Variants in MCOLN2 observed in about 807,000 individuals in gnomAD.
MCOLN2 encodes the protein mucolipin-2.
A neutral mutation model predicts 67.5 loss-of-function variants in MCOLN2; 57 were observed. The ratio of observed to expected loss-of-function variants is 0.84; its 90% confidence interval spans 0.68 to 1.05. The LOEUF is 1.05. Among genes scored for constraint, MCOLN2 ranks in the 50% least tolerant of loss-of-function variants. The probability of loss-of-function intolerance (pLI) is 0.00; values close to 1 mark genes in which losing one functional copy is unlikely to be tolerated. For missense variants in MCOLN2, 620 were observed against 678.8 expected (o/e 0.91, Z 0.96); for synonymous variants, 246 against 233.3 (o/e 1.05, Z -0.50).
At chr1:84,993,619 CTTT>C (rs869075778) in intron 1 of MCOLN2, among the ~76,000 whole-genome samples, 50,689 of 117,136 alleles carry the variant, frequency 0.43, 8,635 homozygotes, top group East Asian at 0.59. Flanking sequence ...TAAATAATGT[CTTT>C]TTTTTTTTTT....
At position 84,931,504 on chromosome 1, in the gene MCOLN2, G is replaced by A. The variant is rs1195495500; in HGVS notation, c.1400C>T (p.Ala467Val). ...CTTCTGCTGGATTTGGGCAAAGGTT[G>A]CAAACATGTCATCACCGTTGACCAG... ...FSLVNGDDMF[A>V]TFAQIQQKSI... The change falls in exon 12 of 14, where the codon GCA (alanine) becomes GTA (valine). Residue 467 changes from alanine to valine, a missense_variant. By Grantham distance (64) the Ala-to-Val change is moderately conservative (BLOSUM62 0). Transcript: ENST00000370608. 6.2e-7 allele frequency: 1 copy of A among 1,613,908 alleles called. No homozygotes were observed. Among genetic ancestry groups the A allele is most frequent in the Non-Finnish European group, 8.5e-7 (1 of 1,179,976 alleles).
chr1:84,936,405 C>T (rs960984454), intron 11 of MCOLN2, among the ~76,000 whole-genome samples: 7 of 152,104 alleles, frequency 4.6e-5, no homozygotes, highest in Non-Finnish European at 7.4e-5. Flanking sequence ...TGCAACACTG[C>T]CCTCTAGTGA....
At chr1:84,935,721 G>A (rs1647389999) in intron 11 of MCOLN2, among the ~76,000 whole-genome samples, 1 of 152,032 alleles carries the variant, frequency 6.6e-6, no homozygotes, top group African/African-American at 2.4e-5. Flanking sequence ...GCTCTCAATT[G>A]TAGCCCAAAC....
At chr1:84,947,408 G>A (rs1422677263) in intron 6 of MCOLN2, among the ~76,000 whole-genome samples, 1 of 152,170 alleles carries the variant, frequency 6.6e-6, no homozygotes, top group African/African-American at 2.4e-5. Context: ...CAGGGTAGCA[G>A]GAAAATCCTG....
At chr1:84,985,588 C>T (rs1170531669) in intron 1 of MCOLN2, among the ~76,000 whole-genome samples, 1 of 152,180 alleles carries the variant, frequency 6.6e-6, no homozygotes, top group Non-Finnish European at 1.5e-5. Flanking sequence ...ACCTGCTCCT[C>T]CACCCATCTG....
chr1:84,953,885 T>G (rs1468370680), intron 4 of MCOLN2, among the ~76,000 whole-genome samples: 1 of 152,164 alleles, frequency 6.6e-6, no homozygotes, highest in Non-Finnish European at 1.5e-5. Flanking sequence ...CCAGCATGGG[T>G]GACCCTTGCC....
chr1:84,987,329 T>C (rs548000950), intron 1 of MCOLN2, among the ~76,000 whole-genome samples: 7 of 144,642 alleles, frequency 4.8e-5, no homozygotes, highest in Non-Finnish European at 1.1e-4. Context: ...TATATAGATA[T>C]ATAGATATAT....
chr1:84,928,058 C>G (rs2102795246), intron 13 of MCOLN2, among the ~76,000 whole-genome samples: 1 of 152,322 alleles, frequency 6.6e-6, no homozygotes, highest in East Asian at 1.9e-4. Flanking sequence ...AGGGTCCATG[C>G]AAGCCCCCTG....
intron 7 of MCOLN2, among the ~76,000 whole-genome samples, chr1:84,944,436 G>C (rs1166418945): frequency 4.6e-5 from 7 of 152,012 alleles, no homozygotes; most frequent in African/African-American, 1.7e-4. Flanking sequence ...GAGAGGCTAA[G>C]GCAGAAGAAT....
chr1:84,964,118 A>G (rs12042845), intron 2 of MCOLN2, among the ~76,000 whole-genome samples: 23,069 of 152,176 alleles, frequency 0.15, 1,887 homozygotes, highest in East Asian at 0.26. Context: ...TAAGCTAACA[A>G]TAAGCATACA....
At chr1:84,982,726 C>T (rs1287693668) in intron 1 of MCOLN2, among the ~76,000 whole-genome samples, 1 of 152,128 alleles carries the variant, frequency 6.6e-6, no homozygotes, top group Non-Finnish European at 1.5e-5. Flanking sequence ...CTGACCCCAA[C>T]AAACAAACAG....
intron 1 of MCOLN2, among the ~76,000 whole-genome samples, chr1:84,995,419 C>G (rs1295387897): frequency 1.3e-5 from 2 of 152,096 alleles, no homozygotes; most frequent in Admixed American, 6.5e-5. Flanking sequence ...TTTCTATGAA[C>G]CCCTTAACAT....
At chr1:84,992,816 C>G (rs892176342) in intron 1 of MCOLN2, among the ~76,000 whole-genome samples, 1 of 152,210 alleles carries the variant, frequency 6.6e-6, no homozygotes, top group Non-Finnish European at 1.5e-5. Context: ...TCTGAACCTT[C>G]AGCAAGCTGT....
At chr1:84,937,074 ACTC>A (rs1647471584) in intron 11 of MCOLN2, among the ~76,000 whole-genome samples, 1 of 152,042 alleles carries the variant, frequency 6.6e-6, no homozygotes, top group Non-Finnish European at 1.5e-5. Flanking sequence ...AGATAAAATA[ACTC>A]CTTTTACTTT....
chr1:84,969,570 CAAAAAAA>C (rs60003501), intron 1 of MCOLN2, among the ~76,000 whole-genome samples: 1 of 80,704 alleles, frequency 1.2e-5, no homozygotes, highest in Non-Finnish European at 2.7e-5. Flanking sequence ...GACTCTGCCT[CAAAAAAA>C]AAAAAAAAAA....
chr1:84,952,915 A>G (rs1557643835), intron 4 of MCOLN2, among the ~76,000 whole-genome samples: 1 of 152,256 alleles, frequency 6.6e-6, no homozygotes, highest in Non-Finnish European at 1.5e-5. Flanking sequence ...TATCAAGATC[A>G]TAAAAGTTAA....
chr1:84,973,224 C>T (rs1360672390), intron 1 of MCOLN2, among the ~76,000 whole-genome samples: 1 of 152,172 alleles, frequency 6.6e-6, no homozygotes, highest in Non-Finnish European at 1.5e-5. Flanking sequence ...TGTCTGTAAT[C>T]TCAACACTTT....
intron 1 of MCOLN2, among the ~76,000 whole-genome samples, chr1:84,966,823 G>A (rs1649403087): frequency 6.6e-6 from 1 of 152,068 alleles, no homozygotes; most frequent in African/African-American, 2.4e-5. Context: ...CCAAAGTGGA[G>A]TGCCGAAAAC....
intron 4 of MCOLN2, among the ~76,000 whole-genome samples, chr1:84,955,899 A>C (rs1648756866): frequency 6.6e-6 from 1 of 152,176 alleles, no homozygotes; most frequent in African/African-American, 2.4e-5. Flanking sequence ...TAAGCCAAAC[A>C]CCTCGTATTT....
Sources: gnomAD v4.1 joint callset for allele counts (sites outside exome capture counted in the v4.1 genomes callset) on GRCh38, gnomAD v4.1.1 for gene constraint, MANE v1.5 for transcripts, NCBI Gene and HGNC (gene_info 2026-07-23, HGNC 2026-07-21) for gene names.